Variants in GOLGA1 observed in about 807,000 individuals in gnomAD.
The protein encoded by GOLGA1 is golgin A1, also known as golgin subfamily A member 1.
In GOLGA1, 63 loss-of-function variants were observed where a neutral mutation model predicts 119.7. That is an observed-to-expected ratio of 0.53 (90% CI 0.43 to 0.65). The LOEUF is 0.65. Among genes scored for constraint, GOLGA1 ranks in the 30% least tolerant of loss-of-function variants. GOLGA1 has a pLI of 0.00. For synonymous variants in GOLGA1, 318 were observed against 333.4 expected, an observed-to-expected ratio of 0.95 and a Z score of 0.50; for missense variants, 798 against 912.8, an observed-to-expected ratio of 0.87 and a Z score of 1.62.
chr9:124,941,443 G>A (rs1238065309), upstream of GOLGA1, among the ~76,000 whole-genome samples: 1 of 152,186 alleles, frequency 6.6e-6, no homozygotes, highest in African/African-American at 2.4e-5. Flanking sequence ...CCCGGCCGGG[G>A]CTGCACTGCT....
chr9:124,933,638 T>C (rs959583095), intron 3 of GOLGA1, among the ~76,000 whole-genome samples: 4 of 152,140 alleles, frequency 2.6e-5, no homozygotes, highest in Non-Finnish European at 5.9e-5. Flanking sequence ...TGGTCTCAAA[T>C]TCCTGACCTC....
Position 124,888,148 on chromosome 9 carries a change from G to T in GOLGA1, c.1905+105C>A. On this transcript the variant is annotated intron_variant, in intron 19 of 22. Coordinates refer to ENST00000373555, the MANE Select transcript of GOLGA1 (RefSeq NM_002077.4). The surrounding 1 kb of genome is among the most constrained non-coding windows in gnomAD (Gnocchi z 4.4). Reference sequence around the variant, plus strand: ...TGAGAGGGGTCATGGTTGCCAGGAGGTGCGGGGGAAACCACAAAAACCTCC... The same window carrying T: ...TGAGAGGGGTCATGGTTGCCAGGAGTTGCGGGGGAAACCACAAAAACCTCC... The T allele has an allele frequency of 3.9e-6, 4 of 1,032,146 alleles. No homozygotes were observed. Among genetic ancestry groups the T allele is most frequent in the East Asian group, 2.4e-5 (1 of 41,972 alleles). 63.9% of individuals were successfully genotyped at this position (1,032,146 alleles called of 1,614,324 possible).
chr9:124,912,047 C>T, intron 10 of GOLGA1, 21 bp from the exon 11 acceptor site: 1 of 1,609,828 alleles, frequency 6.2e-7, no homozygotes, highest in South Asian at 1.1e-5. Flanking sequence ...AAGCAGAGAT[C>T]ACTCTATACT....
intron 10 of GOLGA1, among the ~76,000 whole-genome samples, chr9:124,912,462 C>T (rs1244425134): frequency 6.6e-6 from 1 of 152,218 alleles, no homozygotes; most frequent in African/African-American, 2.4e-5. Context: ...TCACCTGGCT[C>T]ACAGGACAGG....
Position 124,880,269 on chromosome 9 carries a change from G to C in GOLGA1, c.*261C>G. 1 of 318,544 alleles carries C rather than the reference G, an allele frequency of 3.1e-6. No homozygotes were observed. The highest frequency in any genetic ancestry group is 3.4e-5 in the South Asian group (1 of 29,354). 19.7% of individuals were successfully genotyped at this position (318,544 alleles called of 1,614,324 possible). On this transcript the variant is annotated 3_prime_UTR_variant, in exon 23 of 23. Coordinates refer to ENST00000373555, the MANE Select transcript of GOLGA1 (RefSeq NM_002077.4). ...TCAGGTGCAGATGGGGTGCTGGCTGGAGCTGGGATATTAGCAGCACTGTGG... is the reference window on the plus strand; with the variant it reads ...TCAGGTGCAGATGGGGTGCTGGCTGCAGCTGGGATATTAGCAGCACTGTGG...
chr9:124,889,354 T>A, intron 17 of GOLGA1, 51 bp from the exon 18 acceptor site: 1 of 1,602,964 alleles, frequency 6.2e-7, no homozygotes, highest in Non-Finnish European at 8.5e-7. Context: ...GACTCCATGC[T>A]GCTTGGTGGC....
At position 124,946,161 on chromosome 9, in the gene GOLGA1, C is replaced by A. The variant is rs1390449348; in HGVS notation, c.-156+1757G>T. On this transcript the variant is annotated intron_variant, in intron 1 of 4. Coordinates refer to the GOLGA1 transcript ENST00000421514. The surrounding 1 kb of genome is among the most constrained non-coding windows in gnomAD (Gnocchi z 4.0). ...TTTAAATGGTATAATATCTGCTCTA[C>A]TACTCTCCAGTGCAAAAACAATGAT... 1.3e-5 allele frequency: 2 copies of A among 152,190 alleles called. No homozygotes were observed. Among genetic ancestry groups the A allele is most frequent in the Non-Finnish European group, 2.9e-5 (2 of 68,024 alleles). 9.4% of individuals were successfully genotyped at this position (152,190 alleles called of 1,614,324 possible).
intron 1 of GOLGA1, among the ~76,000 whole-genome samples, chr9:124,940,452 T>C (rs774742652): frequency 2.0e-5 from 3 of 152,114 alleles, no homozygotes; most frequent in Non-Finnish European, 2.9e-5. Context: ...TTGAATGAGG[T>C]TAAGTTTTCC....
intron 12 of GOLGA1, among the ~76,000 whole-genome samples, chr9:124,901,003 GCT>G (rs1830092074): frequency 7.8e-6 from 1 of 128,052 alleles, no homozygotes; most frequent in African/African-American, 3.0e-5. Context: ...ATGGAGTCTT[GCT>G]CTGTCGCCCA....
Position 124,938,805 on chromosome 9 carries a change from G to C in GOLGA1, c.-94C>G. On this transcript the variant is annotated 5_prime_UTR_variant, in exon 3 of 23. Coordinates refer to ENST00000373555, the MANE Select transcript of GOLGA1 (RefSeq NM_002077.4). ...AGACAGAGGCGCCTACAAAGTTTCA[G>C]ACATCCAAGCTAGCTGCATTCCCAC... The C allele has an allele frequency of 9.4e-7, 1 of 1,067,572 alleles. No individual in the cohort carries two copies. The highest frequency in any genetic ancestry group is 1.3e-6 in the Non-Finnish European group (1 of 745,972). The allele number at this position is 1,067,572 out of a possible 1,614,324, so 66.1% of individuals were successfully genotyped here.
chr9:124,880,748 A>T (rs1829559213), intron 22 of GOLGA1, 138 bp from the exon 23 acceptor site: 3 of 636,966 alleles, frequency 4.7e-6, no homozygotes, highest in Admixed American at 4.6e-5. Flanking sequence ...CAGAGCAAGA[A>T]GATGGTGCCA....
intron 15 of GOLGA1, among the ~76,000 whole-genome samples, chr9:124,897,331 G>T (rs1311336640): frequency 6.6e-6 from 1 of 152,042 alleles, no homozygotes; most frequent in Non-Finnish European, 1.5e-5. Context: ...TTTTTCCACT[G>T]CTATTTATTT....
intron 1 of GOLGA1, chr9:124,947,824 A>C (rs1031815720): frequency 7.2e-5 from 11 of 152,122 alleles, no homozygotes; most frequent in Non-Finnish European, 1.2e-4. Context: ...TCACCAGGAG[A>C]CTCATAGCAT....
intron 1 of GOLGA1, among the ~76,000 whole-genome samples, chr9:124,940,516 G>A (rs760062095): frequency 6.6e-6 from 1 of 152,138 alleles, no homozygotes; most frequent in Non-Finnish European, 1.5e-5. Flanking sequence ...CTGTTTACCC[G>A]GCCAGACCCT....
intron 15 of GOLGA1, among the ~76,000 whole-genome samples, chr9:124,898,300 C>T (rs1018828067): frequency 6.6e-6 from 1 of 152,214 alleles, no homozygotes; most frequent in Non-Finnish European, 1.5e-5. Flanking sequence ...AACTATGCAA[C>T]TTGCACAAAC....
chr9:124,932,473 A>G (rs1215405790), intron 3 of GOLGA1, among the ~76,000 whole-genome samples: 1 of 152,144 alleles, frequency 6.6e-6, no homozygotes, highest in African/African-American at 2.4e-5. Context: ...ACCACTTACG[A>G]GCTGTAAGAA....
At chr9:124,880,774 G>A (rs1402265034) in intron 22 of GOLGA1, among the ~76,000 whole-genome samples, 164 bp from the exon 23 acceptor site, 1 of 152,172 alleles carries the variant, frequency 6.6e-6, no homozygotes, top group Non-Finnish European at 1.5e-5. Context: ...CAGTCTGCAG[G>A]CCCGTGCTCA....
At chr9:124,887,798 T>A (rs1470488238) in intron 19 of GOLGA1, among the ~76,000 whole-genome samples, 4 of 152,140 alleles carry the variant, frequency 2.6e-5, no homozygotes, top group African/African-American at 9.7e-5. Flanking sequence ...TTATTGAGCC[T>A]CTACCAAATA....
At chr9:124,931,263 G>A in intron 4 of GOLGA1, 53 bp downstream of exon 4, 2 of 839,704 alleles carry the variant, frequency 2.4e-6, no homozygotes, top group Non-Finnish European at 4.2e-6. Context: ...TAGGAAGAGA[G>A]TCAAGCAAGG....
Sources: allele counts gnomAD v4.1 joint callset (sites outside exome capture counted in the v4.1 genomes callset), GRCh38; gene constraint gnomAD v4.1.1; non-coding constraint Gnocchi (gnomAD v3.1); transcripts MANE v1.5; gene names NCBI Gene and HGNC (gene_info 2026-07-23, HGNC 2026-07-21).